FHOD3: variants seen among roughly 807,000 people sequenced by gnomAD.
FHOD3 encodes formin homology 2 domain containing 3, also known as FH1/FH2 domain-containing protein 3.
FHOD3 carries 90 observed loss-of-function variants against 173.0 expected under a neutral mutation model. That is an observed-to-expected ratio of 0.52 (90% CI 0.44 to 0.62). The LOEUF is 0.62. FHOD3 is among the 20% of genes least tolerant of loss of function. The pLI is 0.00. For missense variants in FHOD3, 1,945 were observed against 2,034.7 expected, an observed-to-expected ratio of 0.96 and a Z score of 0.85; for synonymous variants, 828 against 823.0, an observed-to-expected ratio of 1.01 and a Z score of -0.10.
chr18:36,305,922 T>C lies in FHOD3; in HGVS notation c.165+7922T>C, dbSNP rs184565701. 2.6e-5 allele frequency among the ~76,000 whole-genome samples: 4 copies of C among 152,304 alleles called. No homozygotes were observed. In the East Asian group the frequency reaches 7.7e-4, roughly 29 times the overall value. ...GATTTGAGGTCACCTTCTTCAACCC[T>C]CCCAGAGTCAATGAAAATGAGCATG... On this transcript the variant is annotated intron_variant, in intron 1 of 28. Transcript: ENST00000590592.
chr18:36,455,853 T>C (rs2052168585), intron 3 of FHOD3, among the ~76,000 whole-genome samples: 1 of 152,112 alleles, frequency 6.6e-6, no homozygotes, highest in African/African-American at 2.4e-5. Flanking sequence ...TATTTTTGTT[T>C]TCCCCTGAAA....
At chr18:36,489,602 G>A (rs1173821218) in intron 3 of FHOD3, among the ~76,000 whole-genome samples, 1 of 152,164 alleles carries the variant, frequency 6.6e-6, no homozygotes, top group Admixed American at 6.5e-5. Flanking sequence ...AGCCTGGGAG[G>A]TGGAGGCTGC....
intron 2 of FHOD3, among the ~76,000 whole-genome samples, chr18:36,357,724 T>G (rs1266200695): frequency 1.3e-5 from 2 of 152,224 alleles, no homozygotes; most frequent in Non-Finnish European, 2.9e-5. Flanking sequence ...GTTGTCAGAA[T>G]GCAGGCTAGA....
rs754966761 is a variant in FHOD3 at position 36,769,403 on chromosome 18, G to C, written c.4763G>C (p.Arg1588Pro). ...CGAGTGGTGCCGAGGGAGAGGAAAC[G>C]ATCCCGGGCCAACCGGAAATCTTGT... ...SQRVVPRERK[R>P]SRANRKSLRR... The change falls in exon 28 of 29, where the codon CGA (arginine) becomes CCA (proline). Residue 1588 changes from arginine (R) to proline (P), a missense_variant. Physicochemically the swap from Arg to Pro is moderately radical, Grantham distance 103 (BLOSUM62 -2). This residue lies in a region of FHOD3 where 354 missense variants were observed against 359.9 expected (regional missense o/e 0.98). Coordinates refer to ENST00000590592, the MANE Select transcript of FHOD3 (RefSeq NM_001281740.3). 1 of 1,614,154 alleles carries C rather than the reference G, an allele frequency of 6.2e-7. No individual in the cohort carries two copies. The highest frequency in any genetic ancestry group is 1.7e-5 in the Admixed American group (1 of 60,028).
intron 3 of FHOD3, among the ~76,000 whole-genome samples, chr18:36,423,118 C>T (rs965520712): frequency 0.017 from 1 of 60 alleles, no homozygotes; most frequent in Non-Finnish European, 0.031. Flanking sequence ...CGATTCACAC[C>T]CCCCCCAAAC....
intron 3 of FHOD3, among the ~76,000 whole-genome samples, chr18:36,430,826 G>C (rs1429828760): frequency 1.3e-5 from 2 of 152,122 alleles, no homozygotes; most frequent in Non-Finnish European, 2.9e-5. Flanking sequence ...GAGTTAGATG[G>C]AGTCACTATT....
chr18:36,540,942 A>T (rs1256395237), intron 5 of FHOD3, among the ~76,000 whole-genome samples: 1 of 152,184 alleles, frequency 6.6e-6, no homozygotes, highest in Non-Finnish European at 1.5e-5. Context: ...GCATAGCCTC[A>T]AAAGGAGATT....
chr18:36,547,231 G>A (rs1321209166), intron 5 of FHOD3, among the ~76,000 whole-genome samples: 1 of 152,150 alleles, frequency 6.6e-6, no homozygotes, highest in African/African-American at 2.4e-5. Flanking sequence ...TCCTAGGTGC[G>A]CATTCCCAGG....
chr18:36,709,039 C>A, intron 17 of FHOD3, 56 bp from the exon 18 acceptor site: 1 of 1,574,622 alleles, frequency 6.4e-7, no homozygotes. Context: ...TCTCACCTCA[C>A]TTCACCCTTC....
At chr18:36,516,989 AT>A (rs373070220) in intron 5 of FHOD3, among the ~76,000 whole-genome samples, 329 of 143,840 alleles carry the variant, frequency 2.3e-3, no homozygotes, top group Middle Eastern at 7.4e-3. Context: ...CCCTCTCAGC[AT>A]TTTTTTTTTT....
intron 5 of FHOD3, among the ~76,000 whole-genome samples, chr18:36,538,964 A>G (rs2057098798): frequency 6.6e-5 from 10 of 152,234 alleles, no homozygotes; most frequent in Admixed American, 6.5e-4. Context: ...TAAGTAAGAT[A>G]TAATCACTGA....
intron 3 of FHOD3, among the ~76,000 whole-genome samples, chr18:36,389,794 A>G (rs2048208039): frequency 6.6e-6 from 1 of 152,070 alleles, no homozygotes; most frequent in Non-Finnish European, 1.5e-5. Flanking sequence ...GCACTCCCCT[A>G]GACTCCTTTC....
intron 24 of FHOD3, among the ~76,000 whole-genome samples, chr18:36,754,015 C>A (rs139366580): frequency 4.0e-4 from 61 of 152,160 alleles, no homozygotes; most frequent in Non-Finnish European, 7.2e-4. Flanking sequence ...TGATAATATC[C>A]TTTGAAACAC....
intron 14 of FHOD3, among the ~76,000 whole-genome samples, chr18:36,674,145 G>T (rs1328567957): frequency 6.6e-6 from 1 of 152,182 alleles, no homozygotes; most frequent in Non-Finnish European, 1.5e-5. Flanking sequence ...ACTTTCTATT[G>T]CTTCTGTGCT....
At chr18:36,406,933 G>T (rs2049104375) in intron 3 of FHOD3, among the ~76,000 whole-genome samples, 1 of 152,184 alleles carries the variant, frequency 6.6e-6, no homozygotes, top group Non-Finnish European at 1.5e-5. Flanking sequence ...ACGTTGACCA[G>T]GTGCACCTGC....
intron 6 of FHOD3, among the ~76,000 whole-genome samples, chr18:36,577,847 G>T (rs576929896): frequency 6.6e-6 from 1 of 152,350 alleles, no homozygotes; most frequent in South Asian, 2.1e-4. Context: ...AGCTGGGCAA[G>T]CCTCTGGCAT....
At chr18:36,599,875 A>G (rs1200734433) in intron 7 of FHOD3, among the ~76,000 whole-genome samples, 1 of 141,166 alleles carries the variant, frequency 7.1e-6, no homozygotes, top group Non-Finnish European at 1.5e-5. Context: ...CATAGGACCC[A>G]TTTATTCAGC....
chr18:36,297,958 C>G lies in FHOD3; in HGVS notation c.123C>G (p.Thr41=), dbSNP rs1391654941. ...TCCGCGAGGACCTCGCGCTCGGCACCCAGCTGGCGGGGGTCCATAGGCTGC... is the reference window on the plus strand; with the variant it reads ...TCCGCGAGGACCTCGCGCTCGGCACGCAGCTGGCGGGGGTCCATAGGCTGC... The part of the protein sequence containing the change: ...FTFREDLALG[T]QLAGVHRLLQ... The change falls in exon 1 of 29, where the codon ACC becomes ACG. Residue 41 remains threonine, a synonymous_variant. Transcript: ENST00000590592. The G allele has an allele frequency of 6.4e-7, 1 of 1,566,422 alleles. No individual in the cohort carries two copies. The highest frequency in any genetic ancestry group is 8.6e-7 in the Non-Finnish European group (1 of 1,157,556).
intron 27 of FHOD3, among the ~76,000 whole-genome samples, chr18:36,764,835 G>A (rs945276529): frequency 6.6e-6 from 1 of 152,090 alleles, no homozygotes; most frequent in African/African-American, 2.4e-5. Context: ...ACAACTAGAA[G>A]TAAAAATAAT....
Sources: gnomAD v4.1 joint callset for allele counts (sites outside exome capture counted in the v4.1 genomes callset) on GRCh38, gnomAD v4.1.1 for gene constraint, gnomAD v4.1.1 regional missense constraint, MANE v1.5 for transcripts, NCBI Gene and HGNC (gene_info 2026-07-23, HGNC 2026-07-21) for gene names.